ZNF652: variants seen among roughly 807,000 people sequenced by gnomAD.
ZNF652 encodes the protein zinc finger protein 652.
Under a neutral mutation model 45.2 loss-of-function variants are expected in ZNF652, and 16 were observed. That is an observed-to-expected ratio of 0.35 (90% CI 0.24 to 0.54). The LOEUF (loss-of-function observed/expected upper bound fraction) is 0.54, where lower values mean the gene tolerates loss of function less well. ZNF652 is among the 20% of genes least tolerant of loss of function. The pLI is 0.91. For synonymous variants in ZNF652, 250 were observed against 260.6 expected (o/e 0.96, Z 0.39); for missense variants, 614 against 765.6 (o/e 0.80, Z 2.34).
At position 49,293,654 on chromosome 17, in the gene ZNF652, C is replaced by CT. The variant is rs1567908115; in HGVS notation, c.*4758dup. Among the ~76,000 whole-genome samples the CT allele has an allele frequency of 3.3e-5, 2 of 60,834 alleles. No homozygotes were observed. Among genetic ancestry groups the CT allele is most frequent in the African/African-American group, 1.4e-4 (2 of 14,222 alleles). The allele number at this position is 60,834 out of a possible 152,430, so 39.9% of individuals were successfully genotyped here. A position where few individuals can be genotyped will look rare whatever the true frequency, so the allele number is the denominator to read the frequency against. ...TCTAATGGCTTATGACCTTTCATTC[C>CT]TAAAAAAAAAAAAAAAAAAAAAAAA... On this transcript the variant is annotated 3_prime_UTR_variant, in exon 6 of 6. Transcript: ENST00000430262.
Position 49,317,603 on chromosome 17 carries a change from G to C in ZNF652, c.123C>G (p.Asn41Lys), listed in dbSNP as rs751757876. 18 of 1,613,884 alleles carry C rather than the reference G, an allele frequency of 1.1e-5. No individual in the cohort carries two copies. Among genetic ancestry groups the C allele is most frequent in the African/African-American group, 1.3e-5 (1 of 74,864 alleles). The change falls in exon 2 of 6, where the codon AAC becomes AAG. Residue 41 changes from asparagine (N) to lysine (K), a missense_variant. By Grantham distance (94) the Asn-to-Lys change is moderately conservative (BLOSUM62 0). This residue lies in a region of ZNF652 where 133 missense variants were observed against 132.2 expected (regional missense o/e 1.01). Coordinates refer to ENST00000430262, the MANE Select transcript of ZNF652 (RefSeq NM_001145365.3). ...CTTTGGTGGACAGGTCAAGTTCTTGGTTGGCACCATGATAAAAGGAAGATG... is the reference window on the plus strand; with the variant it reads ...CTTTGGTGGACAGGTCAAGTTCTTGCTTGGCACCATGATAAAAGGAAGATG... ...QVPSSFYHGA[N>K]QELDLSTKVY...
At chr17:49,311,109 A>G (rs1251196117) in intron 5 of ZNF652, among the ~76,000 whole-genome samples, 1 of 152,232 alleles carries the variant, frequency 6.6e-6, no homozygotes, top group Non-Finnish European at 1.5e-5. Context: ...GCACTCACAA[A>G]TAATTCTTTT....
intron 1 of ZNF652, among the ~76,000 whole-genome samples, chr17:49,342,373 T>A (rs1386269641): frequency 6.6e-6 from 1 of 152,000 alleles, no homozygotes; most frequent in East Asian, 1.9e-4. Flanking sequence ...AATTAAAACA[T>A]GACCACTTCA....
chr17:49,321,422 C>CTTTTTTT (rs11350404), intron 1 of ZNF652, among the ~76,000 whole-genome samples: 2,496 of 72,924 alleles, frequency 0.034, 3 homozygotes, highest in Non-Finnish European at 0.039. Flanking sequence ...CACCACCACG[C>CTTTTTTT]TTTTTTTTTT....
chr17:49,315,041 TG>T (rs71356534), intron 2 of ZNF652, among the ~76,000 whole-genome samples: 2 of 79,566 alleles, frequency 2.5e-5, no homozygotes, highest in South Asian at 1.2e-3. Context: ...GGTTTTAGTT[TG>T]TTTTTTTTTT....
chr17:49,361,971 G>C lies in ZNF652; in HGVS notation c.-321C>G, dbSNP rs2070402422. On this transcript the variant is annotated 5_prime_UTR_variant, in exon 1 of 6. Coordinates refer to ENST00000430262, the MANE Select transcript of ZNF652 (RefSeq NM_001145365.3). ...CGCCTCGGCGGTCCATCCCTGCGGC[G>C]GGGGCCTGCAGCCGCGGCGCTCGAG... The C allele has an allele frequency of 6.7e-6, 1 of 150,050 alleles. No individual in the cohort carries two copies. The highest frequency in any genetic ancestry group is 2.1e-4 in the South Asian group (1 of 4,860). The allele number at this position is 150,050 out of a possible 1,614,324, so 9.3% of individuals were successfully genotyped here. A position where few individuals can be genotyped will look rare whatever the true frequency, so the allele number is the denominator to read the frequency against.
intron 1 of ZNF652, among the ~76,000 whole-genome samples, chr17:49,358,040 TAA>T (rs754702764): frequency 9.9e-5 from 15 of 152,234 alleles, no homozygotes; most frequent in Non-Finnish European, 1.9e-4. Flanking sequence ...CTCCATATCC[TAA>T]CATGTATTGA....
At chr17:49,331,259 C>A (rs1292508924) in intron 1 of ZNF652, among the ~76,000 whole-genome samples, 1 of 151,584 alleles carries the variant, frequency 6.6e-6, no homozygotes, top group Non-Finnish European at 1.5e-5. Context: ...GTAGCTGGGA[C>A]TACAGGTGCC....
chr17:49,359,828 C>T (rs936425639), intron 1 of ZNF652, among the ~76,000 whole-genome samples: 1 of 152,094 alleles, frequency 6.6e-6, no homozygotes, highest in Non-Finnish European at 1.5e-5. Context: ...ATGGCACCAT[C>T]CCCATTAAGA....
chr17:49,350,994 TATATATATATATATATATATAC>T (rs1162422831), intron 1 of ZNF652, among the ~76,000 whole-genome samples: 6 of 21,960 alleles, frequency 2.7e-4, no homozygotes, highest in South Asian at 9.4e-4. Context: ...TATATATATA[TATATATATATATATATATATAC>T]ACACACACAC....
chr17:49,311,195 T>C, intron 5 of ZNF652, 117 bp downstream of exon 5: 1 of 1,077,812 alleles, frequency 9.3e-7, no homozygotes, highest in Non-Finnish European at 1.3e-6. Context: ...TTATTTAAAG[T>C]GGGATTTTTG....
chr17:49,339,197 A>ATT (rs34574898), intron 1 of ZNF652, among the ~76,000 whole-genome samples: 51,980 of 115,124 alleles, frequency 0.45, 12,421 homozygotes, highest in Non-Finnish European at 0.5. Context: ...GAGTTAGGAA[A>ATT]TTTTTTTTTT....
chr17:49,313,004 G>C (rs1054626298), intron 2 of ZNF652, among the ~76,000 whole-genome samples, 159 bp from the exon 3 acceptor site: 1 of 152,206 alleles, frequency 6.6e-6, no homozygotes, highest in Admixed American at 6.5e-5. Context: ...ACCAACATCT[G>C]TATGTTCTCT....
chr17:49,339,465 G>T lies in ZNF652; in HGVS notation c.-258-21482C>A, dbSNP rs1238440679. ...AAATGAAGAGGTTTTTTTCTGGATG[G>T]TTTTCTTATCAGCTTTTCACATAAC... On this transcript the variant is annotated intron_variant, in intron 1 of 5. Transcript: ENST00000430262. 2.0e-5 allele frequency among the ~76,000 whole-genome samples: 3 copies of T among 151,712 alleles called. No individual in the cohort carries two copies. In the East Asian group the frequency reaches 5.8e-4, roughly 29 times the overall value.
chr17:49,315,750 C>T (rs928228388), intron 2 of ZNF652, among the ~76,000 whole-genome samples: 3 of 152,170 alleles, frequency 2.0e-5, no homozygotes, highest in African/African-American at 4.8e-5. Context: ...GGCTCCATGA[C>T]TCAGTCTTCT....
upstream of ZNF652, chr17:49,362,359 G>C (rs1262890336): frequency 6.7e-6 from 1 of 149,162 alleles, no homozygotes; most frequent in Non-Finnish European, 1.5e-5. Flanking sequence ...TCAGCATCCC[G>C]GCCGCTGGGA....
At chr17:49,351,223 A>G (rs2070279899) in intron 1 of ZNF652, among the ~76,000 whole-genome samples, 1 of 151,884 alleles carries the variant, frequency 6.6e-6, no homozygotes, top group Non-Finnish European at 1.5e-5. Context: ...ACTGGCTAAT[A>G]CCAAGAAAAC....
At chr17:49,359,149 A>T (rs964970395) in intron 1 of ZNF652, among the ~76,000 whole-genome samples, 1 of 152,234 alleles carries the variant, frequency 6.6e-6, no homozygotes, top group Non-Finnish European at 1.5e-5. Context: ...AGTATACTAC[A>T]AAGTATATAC....
rs910021168 is a variant in ZNF652, at chr17:49,351,600, C to T, written c.-259+10309G>A. Among the ~76,000 whole-genome samples, 12 of 152,176 alleles carry T rather than the reference C, an allele frequency of 7.9e-5. No individual in the cohort carries two copies. In the South Asian group the frequency reaches 1.7e-3, roughly 21 times the overall value. The stretch of plus-strand genomic sequence containing the variant: ...GGACATACATATATATATATGTGCG[C>T]TCATATTGAGAGATGTCTCAGGATA... On this transcript the variant is annotated intron_variant, in intron 1 of 5. Transcript: ENST00000430262.
Sources: allele counts gnomAD v4.1 joint callset (sites outside exome capture counted in the v4.1 genomes callset), GRCh38; gene constraint gnomAD v4.1.1; regional missense constraint gnomAD v4.1.1; transcripts MANE v1.5; gene names NCBI Gene and HGNC (gene_info 2026-07-23, HGNC 2026-07-21).